Variants in PTCD2 observed in about 807,000 individuals in gnomAD.
PTCD2 encodes pentatricopeptide repeat domain 2.
PTCD2 carries 31 observed loss-of-function variants against 42.6 expected under a neutral mutation model. The ratio of observed to expected loss-of-function variants is 0.73; its 90% CI spans 0.55 to 0.98. The LOEUF (loss-of-function observed/expected upper bound fraction) is 0.98. Ranked by LOEUF, PTCD2 falls within the 50% of genes least tolerant of loss-of-function variation. PTCD2 has a pLI of 0.00. For synonymous variants in PTCD2, 183 were observed against 170.9 expected, an observed-to-expected ratio of 1.07 and a Z score of -0.55; for missense variants, 476 against 454.8, an observed-to-expected ratio of 1.05 and a Z score of -0.42.
chr5:72,351,833 C>T (rs1752638342), intron 8 of PTCD2, among the ~76,000 whole-genome samples: 1 of 152,144 alleles, frequency 6.6e-6, no homozygotes, highest in African/African-American at 2.4e-5. Context: ...AAAGCCAAAC[C>T]ATATCACTAG....
At chr5:72,322,700 A>G (rs539803272) in intron 2 of PTCD2, among the ~76,000 whole-genome samples, 8 of 152,360 alleles carry the variant, frequency 5.3e-5, no homozygotes, top group African/African-American at 1.4e-4. Flanking sequence ...AATGCATTTT[A>G]TGTTGCATCT....
At chr5:72,332,727 G>A (rs1227027254) in intron 4 of PTCD2, among the ~76,000 whole-genome samples, 1 of 152,150 alleles carries the variant, frequency 6.6e-6, no homozygotes, top group Non-Finnish European at 1.5e-5. Context: ...ATTCGAGTAA[G>A]TGACATAGGA....
chr5:72,349,802 GCTTTAAA>G (rs1752531438), intron 8 of PTCD2, among the ~76,000 whole-genome samples: 1 of 152,112 alleles, frequency 6.6e-6, no homozygotes, highest in African/African-American at 2.4e-5. Context: ...TAAGCCCCTA[GCTTTAAA>G]CTTTCTCTTT....
chr5:72,366,494 A>G lies in PTCD2; in HGVS notation c.*8067A>G, dbSNP rs1753209002. 1 of 152,190 alleles carries G rather than the reference A, an allele frequency of 6.6e-6. No individual in the cohort carries two copies. The highest frequency in any genetic ancestry group is 2.4e-5 in the African/African-American group (1 of 41,452). 9.4% of individuals were successfully genotyped at this position (152,190 alleles called of 1,614,324 possible). ...TGCTGGCTGTGTGCATGTATTCTCA[A>G]TAATCCCTGGCCAACTTCCTGCTTT... On this transcript the variant is annotated 3_prime_UTR_variant, in exon 10 of 10. Transcript: ENST00000380639.
chr5:72,335,880 A>C lies in PTCD2; in HGVS notation c.634A>C (p.Lys212Gln). Reference protein sequence around the residue: ...TYVLAFAICYKLNSPESFKIC... With the variant: ...TYVLAFAICYQLNSPESFKIC... ...TGTTCTTGCTTTTGCAATTTGCTACAAACTGGTAAGACTCTTTCCTCTTAA... is the reference window on the plus strand; with the variant it reads ...TGTTCTTGCTTTTGCAATTTGCTACCAACTGGTAAGACTCTTTCCTCTTAA... Residue 212 changes from lysine (K) to glutamine (Q), a missense_variant, in exon 6 of 10, where the codon AAA becomes CAA. By Grantham distance (53) the Lys-to-Gln change is moderately conservative. Transcript: ENST00000380639. 1 of 1,602,704 alleles carries C rather than the reference A, an allele frequency of 6.2e-7. No homozygotes were observed. Among genetic ancestry groups the C allele is most frequent in the Non-Finnish European group, 8.5e-7 (1 of 1,169,664 alleles).
In PTCD2 at chr5:72,362,538, T is replaced by TC. The variant is rs1239093708; in HGVS notation, c.*4113dup. On this transcript the variant is annotated 3_prime_UTR_variant, in exon 10 of 10. Coordinates refer to ENST00000380639, the MANE Select transcript of PTCD2 (RefSeq NM_024754.5). Reference sequence around the variant, plus strand: ...CCAACCTTCCACATTTAGACCTGACTCCAAGTTTTGCTCAGCCCACTGTGT... The same window carrying TC: ...CCAACCTTCCACATTTAGACCTGACTCCCAAGTTTTGCTCAGCCCACTGTGT... The TC allele has an allele frequency of 1.3e-5, 2 of 152,266 alleles. No homozygotes were observed. Among genetic ancestry groups the TC allele is most frequent in the Non-Finnish European group, 2.9e-5 (2 of 68,086 alleles). The allele number at this position is 152,266 out of a possible 1,614,324, so 9.4% of individuals were successfully genotyped here. A position where few individuals can be genotyped will look rare whatever the true frequency, so the allele number is the denominator to read the frequency against.
intron 7 of PTCD2, among the ~76,000 whole-genome samples, chr5:72,341,517 G>C (rs1752063014): frequency 6.6e-6 from 1 of 151,806 alleles, no homozygotes; most frequent in African/African-American, 2.4e-5. Context: ...AGGATCACTT[G>C]AGGCCAGGAG....
intron 2 of PTCD2, among the ~76,000 whole-genome samples, chr5:72,324,470 A>G (rs1223782753): frequency 6.6e-6 from 1 of 151,978 alleles, no homozygotes; most frequent in Admixed American, 6.5e-5. Context: ...TGTCATTCCC[A>G]GTTCTGTTCT....
Position 72,364,174 on chromosome 5 carries a change from A to G in PTCD2, c.*5747A>G, listed in dbSNP as rs1462725724. The G allele has an allele frequency of 6.6e-6, 1 of 152,256 alleles. No homozygotes were observed. Among genetic ancestry groups the G allele is most frequent in the South Asian group, 2.1e-4 (1 of 4,834 alleles). 9.4% of individuals were successfully genotyped at this position (152,256 alleles called of 1,614,324 possible). ...GCTCAAAAAAGTGTTCTCAAAAATT[A>G]ATGGAAATTGGTGTATTCTGATTGA... On this transcript the variant is annotated 3_prime_UTR_variant, in exon 10 of 10. Coordinates refer to ENST00000380639, the MANE Select transcript of PTCD2 (RefSeq NM_024754.5).
chr5:72,336,092 C>G (rs902179378), intron 6 of PTCD2, among the ~76,000 whole-genome samples: 1 of 152,178 alleles, frequency 6.6e-6, no homozygotes, highest in Non-Finnish European at 1.5e-5. Context: ...TCATCTTTCA[C>G]TCTTCTCTGG....
chr5:72,354,262 G>A (rs1052907445), intron 9 of PTCD2, among the ~76,000 whole-genome samples: 3 of 151,722 alleles, frequency 2.0e-5, no homozygotes, highest in East Asian at 3.9e-4. Context: ...TTAGCTGGGC[G>A]TGGTGGTGCA....
chr5:72,338,403 T>C (rs1222210770), intron 6 of PTCD2, among the ~76,000 whole-genome samples: 1 of 152,208 alleles, frequency 6.6e-6, no homozygotes, highest in African/African-American at 2.4e-5. Flanking sequence ...AAATTGAAAA[T>C]GAGCTTTAAA....
At chr5:72,326,923 C>T (rs1301309437) in intron 3 of PTCD2, among the ~76,000 whole-genome samples, 182 bp downstream of exon 3, 1 of 152,134 alleles carries the variant, frequency 6.6e-6, no homozygotes. Flanking sequence ...CACACACTTA[C>T]TGGGTTCCTA....
intron 9 of PTCD2, among the ~76,000 whole-genome samples, chr5:72,354,077 A>T (rs950457172): frequency 1.3e-5 from 2 of 152,178 alleles, no homozygotes; most frequent in Non-Finnish European, 1.5e-5. Context: ...TTTTAATCAT[A>T]CTGACAAAAG....
In PTCD2 at chr5:72,358,393, T is replaced by G; in HGVS notation, c.1133T>G (p.Phe378Cys). The change falls in exon 10 of 10, where the codon TTC becomes TGC. Residue 378 changes from phenylalanine (F) to cysteine (C), a missense_variant. Physicochemically the swap from Phe to Cys is radical, Grantham distance 205. Transcript: ENST00000380639. ...LNKRMVSRRT[F>C]QPLSQSLLAE ...AAGAGGATGGTCAGCCGTCGCACCTTCCAGCCACTCAGCCAGTCCCTGTTG... is the reference window on the plus strand; with the variant it reads ...AAGAGGATGGTCAGCCGTCGCACCTGCCAGCCACTCAGCCAGTCCCTGTTG... 1.9e-6 allele frequency: 3 copies of G among 1,612,286 alleles called. No homozygotes were observed. Among genetic ancestry groups the G allele is most frequent in the Non-Finnish European group, 2.5e-6 (3 of 1,179,748 alleles).
chr5:72,358,983 G>C lies in PTCD2; in HGVS notation c.*556G>C, dbSNP rs1753021070. 6.5e-6 allele frequency: 1 copy of C among 153,036 alleles called. No individual in the cohort carries two copies. 9.5% of individuals were successfully genotyped at this position (153,036 alleles called of 1,614,324 possible). On this transcript the variant is annotated 3_prime_UTR_variant, in exon 10 of 10. Coordinates refer to ENST00000380639, the MANE Select transcript of PTCD2 (RefSeq NM_024754.5). ...ATTTGAAATCTTCATTCAAGGTTTA[G>C]TAGGATCATATTTTCTCAAAAATAA...
intron 7 of PTCD2, among the ~76,000 whole-genome samples, chr5:72,342,428 C>T (rs953650475): frequency 1.2e-4 from 19 of 152,218 alleles, no homozygotes; most frequent in Admixed American, 8.5e-4. Flanking sequence ...ACTAGTCCTG[C>T]GCTCTGTTCT....
intron 1 of PTCD2, among the ~76,000 whole-genome samples, chr5:72,321,638 A>G (rs997487530): frequency 3.3e-5 from 5 of 152,206 alleles, no homozygotes; most frequent in Admixed American, 2.0e-4. Flanking sequence ...GCTGTGATCA[A>G]TGATTTCCAT....
At chr5:72,334,881 A>C (rs192642946) in intron 4 of PTCD2, 137 bp from the exon 5 acceptor site, 2 of 601,124 alleles carry the variant, frequency 3.3e-6, no homozygotes, top group African/African-American at 3.9e-5. Context: ...GGTATATAAA[A>C]TATATTAGAG....
Sources: gnomAD v4.1 joint callset for allele counts (sites outside exome capture counted in the v4.1 genomes callset) on GRCh38, gnomAD v4.1.1 for gene constraint, MANE v1.5 for transcripts, NCBI Gene and HGNC (gene_info 2026-07-23, HGNC 2026-07-21) for gene names.